Variants in TBC1D7 observed in about 807,000 individuals in gnomAD.
TBC1D7 encodes the protein TBC domain family 7.
Under a neutral mutation model 35.3 loss-of-function variants are expected in TBC1D7, and 33 were observed. That is an observed-to-expected ratio of 0.93 (90% CI 0.71 to 1.25). TBC1D7 has a LOEUF of 1.25. Ranked by LOEUF, TBC1D7 falls within the 50% of genes most tolerant of loss-of-function variation. TBC1D7 has a pLI of 0.00. For missense variants in TBC1D7, 362 were observed against 365.3 expected (o/e 0.99, Z 0.07); for synonymous variants, 135 against 129.5 (o/e 1.04, Z -0.29).
At chr6:13,320,513 C>A in intron 4 of TBC1D7, 1 of 499,192 alleles carries the variant, frequency 2.0e-6, no homozygotes, top group Non-Finnish European at 3.5e-6. Context: ...AAAACAGATG[C>A]ACACAAAGCA....
chr6:13,306,715 C>A (rs1355360580), intron 6 of TBC1D7, 188 bp from the exon 7 acceptor site: 6 of 409,362 alleles, frequency 1.5e-5, no homozygotes, highest in Non-Finnish European at 2.1e-5. Flanking sequence ...ATTCTAGATA[C>A]AATCAGCACT....
At chr6:13,324,361 T>C (rs907110621) in intron 3 of TBC1D7, among the ~76,000 whole-genome samples, 9 of 152,092 alleles carry the variant, frequency 5.9e-5, no homozygotes, top group African/African-American at 2.2e-4. Flanking sequence ...ATCTCCTGAC[T>C]GCGTGATCTG....
At chr6:13,323,731 G>A (rs1355873253) in intron 3 of TBC1D7, 3 of 152,178 alleles carry the variant, frequency 2.0e-5, no homozygotes, top group African/African-American at 7.2e-5. Context: ...ATATTCCCTC[G>A]CTGCCTCCAT....
At chr6:13,320,413 G>C in intron 4 of TBC1D7, 1 of 311,810 alleles carries the variant, frequency 3.2e-6, no homozygotes, top group Non-Finnish European at 6.0e-6. Flanking sequence ...AGGAATCTGA[G>C]GTAATAGGGA....
At chr6:13,327,272 A>G (rs546586839) in intron 1 of TBC1D7, among the ~76,000 whole-genome samples, 1 of 152,360 alleles carries the variant, frequency 6.6e-6, no homozygotes, top group African/African-American at 2.4e-5. Context: ...GCCAGGCAAG[A>G]TACGTCAAGC....
intron 5 of TBC1D7, among the ~76,000 whole-genome samples, chr6:13,315,756 T>C (rs1231072739): frequency 2.6e-5 from 4 of 152,162 alleles, no homozygotes; most frequent in South Asian, 2.1e-4. Context: ...GTACAAAATA[T>C]GTGTTAAACA....
Position 13,325,031 on chromosome 6 carries a change from T to C in TBC1D7, c.193+63A>G, listed in dbSNP as rs534560306. 3.1e-5 allele frequency: 39 copies of C among 1,256,510 alleles called. No individual in the cohort carries two copies. In the East Asian group the frequency reaches 4.0e-4, roughly 13 times the overall value. The allele number at this position is 1,256,510 out of a possible 1,614,324, so 77.8% of individuals were successfully genotyped here. ...ATTCTCCTTTTTCTGACTGATAAGA[T>C]AGCAAATGATCCCTTCATTCAATAT... On this transcript the variant is annotated intron_variant, in intron 3 of 7. Transcript: ENST00000379300.
chr6:13,317,882 A>G (rs909362232), intron 4 of TBC1D7, among the ~76,000 whole-genome samples: 1 of 152,266 alleles, frequency 6.6e-6, no homozygotes, highest in African/African-American at 2.4e-5. Context: ...TACGGTTCAA[A>G]TATCTGTCCC....
chr6:13,305,693 G>A, intron 7 of TBC1D7: 1 of 176,806 alleles, frequency 5.7e-6, no homozygotes, highest in South Asian at 1.0e-4. Context: ...AATCATTCAG[G>A]CATAAGTCTC....
intron 4 of TBC1D7, chr6:13,319,271 C>G (rs1224846496): frequency 6.6e-6 from 1 of 152,094 alleles, no homozygotes; most frequent in Non-Finnish European, 1.5e-5. Flanking sequence ...ACCAGCCTGA[C>G]CAACATGGAG....
At chr6:13,321,217 C>T in intron 3 of TBC1D7, 122 bp from the exon 4 acceptor site, 1 of 725,230 alleles carries the variant, frequency 1.4e-6, no homozygotes, top group Non-Finnish European at 2.3e-6. Flanking sequence ...TTCACGCAGA[C>T]ATTCAAGTAC....
chr6:13,328,025 G>A (rs1423916698), intron 1 of TBC1D7: 2 of 152,212 alleles, frequency 1.3e-5, no homozygotes, highest in Non-Finnish European at 1.5e-5. Flanking sequence ...GGGAGCAGAT[G>A]TCTTAAAAAT....
intron 5 of TBC1D7, among the ~76,000 whole-genome samples, chr6:13,309,040 TC>T (rs1413181052): frequency 6.6e-6 from 1 of 152,230 alleles, no homozygotes; most frequent in Non-Finnish European, 1.5e-5. Context: ...TAATATCTGG[TC>T]CAGCTTTCCC....
chr6:13,309,444 T>C (rs1783042487), intron 5 of TBC1D7, among the ~76,000 whole-genome samples: 1 of 152,222 alleles, frequency 6.6e-6, no homozygotes, highest in African/African-American at 2.4e-5. Context: ...ACTCAATATA[T>C]AACTGTTGAG....
In TBC1D7 at chr6:13,320,974, A is replaced by G. The variant is rs760996081; in HGVS notation, c.315T>C (p.Ala105=). ...VRFVSDATPQ[A]EVYLRMYQLE... ...GCTGATACATGCGGAGATAGACTTCAGCCTGAGGTGTGGCATCACTAACAA... is the reference window on the plus strand; with the variant it reads ...GCTGATACATGCGGAGATAGACTTCGGCCTGAGGTGTGGCATCACTAACAA... The change falls in exon 4 of 8, where the codon GCT becomes GCC. Residue 105 remains alanine, a synonymous_variant. Coordinates refer to ENST00000379300, the MANE Select transcript of TBC1D7 (RefSeq NM_016495.6). 3 of 1,614,224 alleles carry G rather than the reference A, an allele frequency of 1.9e-6. No homozygotes were observed. In the South Asian group the frequency reaches 3.3e-5, roughly 18 times the overall value.
At chr6:13,307,772 A>T in intron 5 of TBC1D7, 27 bp from the exon 6 acceptor site, 1 of 1,601,386 alleles carries the variant, frequency 6.2e-7, no homozygotes, top group Non-Finnish European at 8.5e-7. Flanking sequence ...AACAGAGATT[A>T]TTCATTTTCT....
chr6:13,306,582 CCTAGA>C, intron 6 of TBC1D7, 55 bp from the exon 7 acceptor site: 1 of 1,344,608 alleles, frequency 7.4e-7, no homozygotes, highest in Middle Eastern at 2.5e-4. Context: ...TTATGTTTAG[CCTAGA>C]CATCTCAAAT....
intron 3 of TBC1D7, among the ~76,000 whole-genome samples, chr6:13,323,205 T>C (rs1015447078): frequency 6.6e-6 from 1 of 151,762 alleles, no homozygotes; most frequent in Admixed American, 6.6e-5. Flanking sequence ...TACAAAAAAT[T>C]AGCCGGGCGT....
chr6:13,325,245 T>C lies in TBC1D7; in HGVS notation c.113-71A>G, dbSNP rs943580546. ...ACAGTATGTCAAGGCACATTTCATTTTTTAAAACTCAAAGAATAGTTAAGA... is the reference window on the plus strand; with the variant it reads ...ACAGTATGTCAAGGCACATTTCATTCTTTAAAACTCAAAGAATAGTTAAGA... On this transcript the variant is annotated intron_variant, in intron 2 of 7. Transcript: ENST00000379300. 2.6e-6 allele frequency: 3 copies of C among 1,149,976 alleles called. No homozygotes were observed. In the East Asian group the frequency reaches 7.1e-5, roughly 27 times the overall value. The allele number at this position is 1,149,976 out of a possible 1,614,324, so 71.2% of individuals were successfully genotyped here. A position where few individuals can be genotyped will look rare whatever the true frequency, so the allele number is the denominator to read the frequency against.
Sources: allele counts gnomAD v4.1 joint callset (sites outside exome capture counted in the v4.1 genomes callset), GRCh38; gene constraint gnomAD v4.1.1; transcripts MANE v1.5; gene names NCBI Gene and HGNC (gene_info 2026-07-23, HGNC 2026-07-21).